KIAA1328: variants seen among roughly 807,000 people sequenced by gnomAD.
The protein encoded by KIAA1328 is protein hinderin.
In KIAA1328, 52 loss-of-function variants were observed where a neutral mutation model predicts 68.1. The observed-to-expected ratio is 0.76, with a 90% CI of 0.61 to 0.96. KIAA1328 has a LOEUF of 0.96. Among genes scored for constraint, KIAA1328 ranks in the 40% least tolerant of loss-of-function variants. The pLI is 0.00. For missense variants in KIAA1328, 641 were observed against 677.6 expected (o/e 0.95, Z 0.60); for synonymous variants, 232 against 239.4 (o/e 0.97, Z 0.28).
In KIAA1328 at chr18:36,829,144, G is replaced by T; in HGVS notation, c.6G>T (p.Ala2=). 1 of 1,534,082 alleles carries T rather than the reference G, an allele frequency of 6.5e-7. No homozygotes were observed. Among genetic ancestry groups the T allele is most frequent in the Non-Finnish European group, 8.8e-7 (1 of 1,142,316 alleles). The part of the protein sequence containing the change: M[A]DVAGPSRPSA... ...CGAGTGGCGGTTGTTTCAAGATGGC[G>T]GACGTGGCGGGCCCCTCCCGCCCCA... is the stretch of plus-strand genomic sequence containing the variant. Residue 2 remains alanine (A), a synonymous_variant, in exon 1 of 10, where the codon GCG becomes GCT. Coordinates refer to ENST00000280020, the MANE Select transcript of KIAA1328 (RefSeq NM_020776.3).
intron 9 of KIAA1328, among the ~76,000 whole-genome samples, chr18:37,217,581 C>T (rs926774919): frequency 6.6e-6 from 1 of 152,188 alleles, no homozygotes; most frequent in Non-Finnish European, 1.5e-5. Flanking sequence ...CCTGACCTTT[C>T]TCTCTGGCTG....
intron 7 of KIAA1328, among the ~76,000 whole-genome samples, chr18:37,100,846 A>G (rs1033979419): frequency 1.3e-5 from 2 of 152,184 alleles, no homozygotes; most frequent in Non-Finnish European, 2.9e-5. Context: ...ATCAGGCAGC[A>G]ACATTTGCTG....
intron 7 of KIAA1328, among the ~76,000 whole-genome samples, chr18:37,106,010 C>A (rs1268060932): frequency 6.8e-6 from 1 of 147,192 alleles, no homozygotes; most frequent in Non-Finnish European, 1.5e-5. Flanking sequence ...ATGGAATTAC[C>A]AAGTGACCTA....
At chr18:37,088,138 T>C (rs534073748) in intron 7 of KIAA1328, among the ~76,000 whole-genome samples, 3 of 152,334 alleles carry the variant, frequency 2.0e-5, no homozygotes, top group South Asian at 4.1e-4. Flanking sequence ...AGCTAGCAGA[T>C]ATTTCAGTTT....
intron 6 of KIAA1328, among the ~76,000 whole-genome samples, chr18:36,964,843 G>C (rs2051848037): frequency 6.6e-6 from 1 of 150,452 alleles, no homozygotes; most frequent in Admixed American, 6.6e-5. Context: ...CATAGTTTTG[G>C]TCAATGTACA....
chr18:37,038,280 G>A (rs962820087), intron 6 of KIAA1328, among the ~76,000 whole-genome samples: 2 of 151,832 alleles, frequency 1.3e-5, no homozygotes, highest in African/African-American at 2.4e-5. Context: ...AAATAACTTG[G>A]GGCTGCTTTT....
chr18:37,036,549 A>T (rs1024610458), intron 6 of KIAA1328, among the ~76,000 whole-genome samples: 9 of 152,168 alleles, frequency 5.9e-5, no homozygotes, highest in Admixed American at 5.9e-4. Flanking sequence ...ATTCCATACA[A>T]TTTGAGTTGA....
chr18:37,203,800 A>T (rs72898309), intron 9 of KIAA1328, among the ~76,000 whole-genome samples: 19 of 150,240 alleles, frequency 1.3e-4, no homozygotes, highest in Middle Eastern at 3.4e-3. Context: ...CTACCTACCT[A>T]GAACCCAGAT....
In KIAA1328 at chr18:37,060,652, T is replaced by TA. The variant is rs530421877; in HGVS notation, c.577-6229dup. Among the ~76,000 whole-genome samples the TA allele has an allele frequency of 4.2e-4, 64 of 150,966 alleles. No individual in the cohort carries two copies. The South Asian group carries it at 6.3e-3, about 15-fold the overall frequency. On this transcript the variant is annotated intron_variant, in intron 6 of 9. Transcript: ENST00000280020. ...GCCAAGATAAATAAATGCATATATCTAAAAAAAAAGACTTTTATCATTACT... is the reference window on the plus strand; with the variant it reads ...GCCAAGATAAATAAATGCATATATCTAAAAAAAAAAGACTTTTATCATTACT...
At chr18:36,926,463 C>T (rs1401051696) in intron 5 of KIAA1328, among the ~76,000 whole-genome samples, 1 of 151,844 alleles carries the variant, frequency 6.6e-6, no homozygotes, top group Non-Finnish European at 1.5e-5. Context: ...TCTCACACAT[C>T]GTATCAGGGT....
chr18:37,058,737 T>C (rs548583732), intron 6 of KIAA1328, among the ~76,000 whole-genome samples: 65 of 151,972 alleles, frequency 4.3e-4, no homozygotes, highest in African/African-American at 1.5e-3. Context: ...ATAAAATAAA[T>C]AAATAAATAA....
chr18:36,987,514 A>AATC (rs1452130972), intron 6 of KIAA1328, among the ~76,000 whole-genome samples: 2 of 140,072 alleles, frequency 1.4e-5, no homozygotes, highest in Non-Finnish European at 3.0e-5. Flanking sequence ...AAATAAAAAT[A>AATC]AAAAAATAAA....
At chr18:36,922,782 T>G (rs1411738651) in intron 5 of KIAA1328, among the ~76,000 whole-genome samples, 1 of 152,170 alleles carries the variant, frequency 6.6e-6, no homozygotes, top group Non-Finnish European at 1.5e-5. Context: ...AGTGTTGAGG[T>G]AATGAGTATA....
chr18:36,855,008 A>T (rs544140864), intron 4 of KIAA1328, among the ~76,000 whole-genome samples: 12 of 152,194 alleles, frequency 7.9e-5, no homozygotes, highest in Non-Finnish European at 1.8e-4. Context: ...ATGCTAAATC[A>T]GATTCTATTG....
At chr18:37,217,519 G>A (rs2060467120) in intron 9 of KIAA1328, among the ~76,000 whole-genome samples, 1 of 152,170 alleles carries the variant, frequency 6.6e-6, no homozygotes, top group African/African-American at 2.4e-5. Flanking sequence ...GGCTTGTAGA[G>A]TTTCTGCCGA....
chr18:37,169,164 ATT>A (rs2059447447), intron 8 of KIAA1328, among the ~76,000 whole-genome samples: 1 of 149,816 alleles, frequency 6.7e-6, no homozygotes, highest in Admixed American at 6.6e-5. Flanking sequence ...TTATTTATTT[ATT>A]TATATTTTTT....
intron 6 of KIAA1328, among the ~76,000 whole-genome samples, chr18:37,049,600 T>C (rs1169011966): frequency 2.6e-5 from 4 of 152,158 alleles, no homozygotes; most frequent in African/African-American, 9.7e-5. Context: ...CTTAAATCTC[T>C]TCGGTTTGGT....
Position 37,096,082 on chromosome 18 carries a change from C to CT in KIAA1328, c.1232+28548dup, listed in dbSNP as rs557817819. 3.4e-3 allele frequency among the ~76,000 whole-genome samples: 500 copies of CT among 147,658 alleles called. 5 individuals carry two copies. The highest frequency in any genetic ancestry group is 0.026 in the South Asian group (123 of 4,678). ...TTATAAAGGAGAACTGACACCAATTCTTTTTTTTTTTCTACTTTAAGTTTT... is the reference window on the plus strand; with the variant it reads ...TTATAAAGGAGAACTGACACCAATTCTTTTTTTTTTTTCTACTTTAAGTTTT... On this transcript the variant is annotated intron_variant, in intron 7 of 9. Transcript: ENST00000280020.
intron 4 of KIAA1328, among the ~76,000 whole-genome samples, chr18:36,883,110 G>A (rs551488530): frequency 1.3e-5 from 2 of 151,866 alleles, no homozygotes; most frequent in South Asian, 2.1e-4. Flanking sequence ...TTCTTCTTTC[G>A]TCGTGTCTTC....
Sources: allele counts gnomAD v4.1 joint callset (sites outside exome capture counted in the v4.1 genomes callset), GRCh38; gene constraint gnomAD v4.1.1; transcripts MANE v1.5; gene names NCBI Gene and HGNC (gene_info 2026-07-23, HGNC 2026-07-21).